HPSE2: variants seen among roughly 807,000 people sequenced by gnomAD.
HPSE2 encodes the protein inactive heparanase-2.
A neutral mutation model predicts 60.5 loss-of-function variants in HPSE2; 38 were observed. That is an observed-to-expected ratio of 0.63 (90% CI 0.48 to 0.82). The LOEUF is 0.82. Among genes scored for constraint, HPSE2 ranks in the 40% least tolerant of loss-of-function variants. HPSE2 has a pLI of 0.00. For synonymous variants in HPSE2, 295 were observed against 293.2 expected (o/e 1.01, Z -0.06); for missense variants, 713 against 740.4 (o/e 0.96, Z 0.43).
rs569906566 is a variant in HPSE2, at chr10:98,563,422, G to A, written c.1320+51482C>T. 7.9e-5 allele frequency among the ~76,000 whole-genome samples: 12 copies of A among 152,208 alleles called. 1 individual carries two copies. Among genetic ancestry groups the A allele is most frequent in the African/African-American group, 2.6e-4 (11 of 41,534 alleles). On this transcript the variant is annotated intron_variant, in intron 9 of 11. Coordinates refer to ENST00000370552, the MANE Select transcript of HPSE2 (RefSeq NM_021828.5). ...ACTTAGGGCTGGGAGGGTTGGGGGC[G>A]TACCGGTAGTGAGTGCTCATAATTA...
chr10:98,563,293 A>G (rs1244149826), intron 9 of HPSE2, among the ~76,000 whole-genome samples: 1 of 152,218 alleles, frequency 6.6e-6, no homozygotes, highest in Non-Finnish European at 1.5e-5. Context: ...ACATTATGCT[A>G]AGTCAAAGAA....
At chr10:98,573,523 G>A (rs775289021) in intron 9 of HPSE2, among the ~76,000 whole-genome samples, 1 of 152,160 alleles carries the variant, frequency 6.6e-6, no homozygotes, top group Non-Finnish European at 1.5e-5. Flanking sequence ...CATTTGTTTT[G>A]TTGTCCCCCA....
intron 2 of HPSE2, among the ~76,000 whole-genome samples, chr10:99,173,943 CAA>C (rs61074165): frequency 4.0e-5 from 4 of 99,940 alleles, no homozygotes; most frequent in African/African-American, 2.5e-4. Context: ...GACTCTGTCT[CAA>C]AAAAAAAAAA....
At chr10:98,883,395 A>T (rs1953080006) in intron 3 of HPSE2, among the ~76,000 whole-genome samples, 1 of 152,172 alleles carries the variant, frequency 6.6e-6, no homozygotes, top group Non-Finnish European at 1.5e-5. Flanking sequence ...TTCTATGAAA[A>T]TTATTCTAAA....
intron 3 of HPSE2, among the ~76,000 whole-genome samples, chr10:98,919,750 TC>T (rs1340922982): frequency 2.6e-5 from 4 of 152,146 alleles, no homozygotes; most frequent in African/African-American, 9.6e-5. Context: ...TTTAACAAAT[TC>T]CAGAAAAAAT....
At chr10:99,244,212 T>C in the HPSE2 span, among the ~76,000 whole-genome samples, 4 of 151,374 alleles carry the variant, frequency 2.6e-5, no homozygotes, top group African/African-American at 9.7e-5. Context: ...AGAGAGAGGG[T>C]TTCACCATGT....
chr10:98,713,342 A>G lies in HPSE2; in HGVS notation c.956+8315T>C, dbSNP rs570266574. ...TAGGTTTGTAAATGATTCTTCTGGC[A>G]ACTGAGTGAACAGATAGGAGGGGAA... is the stretch of plus-strand genomic sequence containing the variant. On this transcript the variant is annotated intron_variant, in intron 5 of 11. Transcript: ENST00000370552. 7.9e-5 allele frequency among the ~76,000 whole-genome samples: 12 copies of G among 152,176 alleles called. No homozygotes were observed. In the South Asian group the frequency reaches 2.5e-3, roughly 32 times the overall value.
intron 2 of HPSE2, among the ~76,000 whole-genome samples, chr10:99,189,850 C>A (rs1206974160): frequency 6.6e-6 from 1 of 152,132 alleles, no homozygotes; most frequent in Non-Finnish European, 1.5e-5. Context: ...AATGTCTTCC[C>A]TTCCTTGGAA....
At chr10:99,305,965 G>GCACACACA in the HPSE2 span, among the ~76,000 whole-genome samples, 3 of 63,992 alleles carry the variant, frequency 4.7e-5, no homozygotes, top group South Asian at 7.1e-4. Context: ...ACACACACGC[G>GCACACACA]CGCGCGCGCG....
chr10:99,294,227 G>A, the HPSE2 span, among the ~76,000 whole-genome samples: 1 of 151,240 alleles, frequency 6.6e-6, no homozygotes, highest in Non-Finnish European at 1.5e-5. Flanking sequence ...GACCACCAGG[G>A]TTTCGATAAT....
intron 3 of HPSE2, among the ~76,000 whole-genome samples, chr10:98,843,474 G>T (rs1252892070): frequency 6.6e-6 from 1 of 152,124 alleles, no homozygotes; most frequent in East Asian, 1.9e-4. Context: ...TAATTCAAAA[G>T]ACATTTGTAT....
At chr10:99,130,763 C>A (rs1219829699) in intron 3 of HPSE2, among the ~76,000 whole-genome samples, 1 of 152,236 alleles carries the variant, frequency 6.6e-6, no homozygotes, top group Middle Eastern at 3.4e-3. Flanking sequence ...GTGACAGACC[C>A]GGGGCTTTGG....
chr10:99,089,273 C>T (rs1300637765), intron 3 of HPSE2, among the ~76,000 whole-genome samples: 3 of 152,084 alleles, frequency 2.0e-5, no homozygotes, highest in Admixed American at 6.5e-5. Flanking sequence ...AGGGTTTTTC[C>T]GATGTTATCT....
intron 2 of HPSE2, among the ~76,000 whole-genome samples, chr10:99,175,557 T>C (rs1308085092): frequency 6.6e-6 from 1 of 152,154 alleles, no homozygotes; most frequent in Admixed American, 6.5e-5. Context: ...GCTGTAGCCA[T>C]ATTGCCTCTC....
intron 2 of HPSE2, among the ~76,000 whole-genome samples, chr10:99,196,295 G>T (rs1205069625): frequency 3.3e-5 from 5 of 152,084 alleles, no homozygotes; most frequent in Non-Finnish European, 7.4e-5. Context: ...ACATTGGTCT[G>T]GGCAAAAAAT....
chr10:99,312,342 G>A, the HPSE2 span, among the ~76,000 whole-genome samples: 1 of 152,180 alleles, frequency 6.6e-6, no homozygotes, highest in African/African-American at 2.4e-5. Flanking sequence ...TCAAAAGATA[G>A]GCTGACTCTC....
At chr10:98,991,063 A>T (rs887912144) in intron 3 of HPSE2, among the ~76,000 whole-genome samples, 1 of 152,172 alleles carries the variant, frequency 6.6e-6, no homozygotes, top group African/African-American at 2.4e-5. Context: ...ATGTGAAGTG[A>T]CCTAACTAGC....
chr10:99,028,832 A>G (rs989088371), intron 3 of HPSE2, among the ~76,000 whole-genome samples: 1 of 152,306 alleles, frequency 6.6e-6, no homozygotes, highest in Non-Finnish European at 1.5e-5. Flanking sequence ...AACAATCTAC[A>G]TACCTACAGT....
At chr10:99,132,191 A>AGAGAGAGAGAGAGAGAG in intron 3 of HPSE2, among the ~76,000 whole-genome samples, 1 of 71,876 alleles carries the variant, frequency 1.4e-5, no homozygotes. Flanking sequence ...GAAAGAAAGA[A>AGAGAGAGAGAGAGAGAG]AGAGAGAGAG....
Sources: gnomAD v4.1 joint callset for allele counts (sites outside exome capture counted in the v4.1 genomes callset) on GRCh38, gnomAD v4.1.1 for gene constraint, MANE v1.5 for transcripts, NCBI Gene and HGNC (gene_info 2026-07-23, HGNC 2026-07-21) for gene names.